HECW2: variants seen among roughly 807,000 people sequenced by gnomAD.
The protein encoded by HECW2 is E3 ubiquitin-protein ligase HECW2.
A neutral mutation model predicts 175.2 loss-of-function variants in HECW2; 61 were observed. The ratio of observed to expected loss-of-function variants is 0.35; its 90% CI spans 0.28 to 0.43. HECW2 has a LOEUF of 0.43. Among genes scored for constraint, HECW2 ranks in the 20% least tolerant of loss-of-function variants. HECW2 has a pLI of 1.00. For synonymous variants in HECW2, 671 were observed against 731.0 expected, an observed-to-expected ratio of 0.92 and a Z score of 1.32; for missense variants, 1,524 against 2,000.5, an observed-to-expected ratio of 0.76 and a Z score of 4.54.
At chr2:196,432,195 T>G (rs1695733867) in intron 2 of HECW2, among the ~76,000 whole-genome samples, 1 of 152,102 alleles carries the variant, frequency 6.6e-6, no homozygotes, top group Non-Finnish European at 1.5e-5. Context: ...TAAGAAGTAC[T>G]GCCATAAACA....
chr2:196,496,490 G>A (rs1448256845), intron 1 of HECW2, among the ~76,000 whole-genome samples: 1 of 152,006 alleles, frequency 6.6e-6, no homozygotes, highest in African/African-American at 2.4e-5. Context: ...CTATCAGGAT[G>A]ACTAATCTCA....
At position 196,343,139 on chromosome 2, in the gene HECW2, G is replaced by A. The variant is rs189381288; in HGVS notation, c.400+518C>T. On this transcript the variant is annotated intron_variant, in intron 3 of 28. Coordinates refer to ENST00000644978, the MANE Select transcript of HECW2 (RefSeq NM_001348768.2). ...TATATAGTTGTCCCTTGATATCCACGGGGGATTCGTTCCAAGACCCCCATG... is the reference window on the plus strand; with the variant it reads ...TATATAGTTGTCCCTTGATATCCACAGGGGATTCGTTCCAAGACCCCCATG... 1.8e-4 allele frequency among the ~76,000 whole-genome samples: 28 copies of A among 151,776 alleles called. 1 individual carries two copies. In the Middle Eastern group the frequency reaches 0.02, roughly 111 times the overall value.
At chr2:196,362,554 A>T (rs1693625568) in intron 2 of HECW2, among the ~76,000 whole-genome samples, 1 of 152,236 alleles carries the variant, frequency 6.6e-6, no homozygotes, top group Non-Finnish European at 1.5e-5. Context: ...TAACTAATCC[A>T]GAGAGAAATT....
intron 1 of HECW2, among the ~76,000 whole-genome samples, chr2:196,529,500 C>A (rs1688773378): frequency 6.6e-6 from 1 of 151,984 alleles, no homozygotes; most frequent in East Asian, 1.9e-4. Context: ...GGAATAATAC[C>A]CCTCATGCCA....
At chr2:196,537,199 A>G (rs1375445540) in intron 1 of HECW2, among the ~76,000 whole-genome samples, 1 of 152,124 alleles carries the variant, frequency 6.6e-6, no homozygotes, top group Non-Finnish European at 1.5e-5. Context: ...AAACACTACA[A>G]TAGAGTTTCC....
In HECW2 at chr2:196,281,342, A is replaced by G. The variant is rs546803507; in HGVS notation, c.3001-2680T>C. Among the ~76,000 whole-genome samples, 15 of 152,246 alleles carry G rather than the reference A, an allele frequency of 9.9e-5. 1 individual carries two copies. The highest frequency in any genetic ancestry group is 3.3e-4 in the Admixed American group (5 of 15,284). On this transcript the variant is annotated intron_variant, in intron 14 of 28. Coordinates refer to ENST00000644978, the MANE Select transcript of HECW2 (RefSeq NM_001348768.2). Reference sequence around the variant, plus strand: ...TAACAATTAACTAACCAAGTGCTAAAAAGCATGTTCTTGGGCCAGGCGCGA... The same window carrying G: ...TAACAATTAACTAACCAAGTGCTAAGAAGCATGTTCTTGGGCCAGGCGCGA...
intron 2 of HECW2, among the ~76,000 whole-genome samples, chr2:196,417,451 A>G (rs950464178): frequency 3.9e-5 from 6 of 152,200 alleles, no homozygotes; most frequent in African/African-American, 1.4e-4. Flanking sequence ...ATTTTTAATT[A>G]AAAAAATTTT....
At chr2:196,583,733 G>T (rs1478399281) in intron 1 of HECW2, among the ~76,000 whole-genome samples, 1 of 152,132 alleles carries the variant, frequency 6.6e-6, no homozygotes, top group East Asian at 1.9e-4. Context: ...CCTTCATAAT[G>T]GTCCATGAAG....
intron 1 of HECW2, among the ~76,000 whole-genome samples, chr2:196,532,868 T>C (rs1575645491): frequency 6.6e-6 from 1 of 152,306 alleles, no homozygotes; most frequent in Admixed American, 6.5e-5. Context: ...CACATTAATT[T>C]GGCATAACTT....
In HECW2 at chr2:196,201,464, G is replaced by A. The variant is rs2105753695; in HGVS notation, c.4608-76C>T. 14 of 908,746 alleles carry A rather than the reference G, an allele frequency of 1.5e-5. No homozygotes were observed. The Middle Eastern group carries it at 6.6e-4, about 43-fold the overall frequency. The allele number at this position is 908,746 out of a possible 1,614,324, so 56.3% of individuals were successfully genotyped here. A position where few individuals can be genotyped will look rare whatever the true frequency, so the allele number is the denominator to read the frequency against. On this transcript the variant is annotated intron_variant, in intron 28 of 28. Transcript: ENST00000644978. ...AAATGTGTGTGGTGTGTGTGTGTGTGTGTGTCTGTGTGTGTATGACTGTCT... is the reference window on the plus strand; with the variant it reads ...AAATGTGTGTGGTGTGTGTGTGTGTATGTGTCTGTGTGTGTATGACTGTCT...
intron 2 of HECW2, among the ~76,000 whole-genome samples, chr2:196,348,978 T>G (rs959248525): frequency 2.0e-5 from 3 of 152,234 alleles, no homozygotes; most frequent in African/African-American, 7.2e-5. Flanking sequence ...TCCCTTGATT[T>G]CTCCATCTCC....
At chr2:196,308,213 AC>A in intron 10 of HECW2, 128 bp from the exon 11 acceptor site, 1 of 613,546 alleles carries the variant, frequency 1.6e-6, no homozygotes, top group Non-Finnish European at 2.6e-6. Context: ...CATACATCTC[AC>A]TGCACTATCC....
rs1422155863 is a variant in HECW2 at position 196,201,343 on chromosome 2, G to C, written c.4653C>G (p.Ser1551=). The part of the protein sequence containing the change: ...FNRLDLPPYP[S]FSMLYEKLLT... ...ACAGTTTTTCATAAAGCATGGAAAA[G>C]GATGGGTAGGGAGGCAGATCCAGAC... Residue 1551 remains serine (S), a synonymous_variant, in exon 29 of 29, where the codon TCC becomes TCG. Transcript: ENST00000644978. 1.2e-6 allele frequency: 2 copies of C among 1,613,722 alleles called. No homozygotes were observed. Among genetic ancestry groups the C allele is most frequent in the Non-Finnish European group, 1.7e-6 (2 of 1,179,644 alleles).
At chr2:196,572,337 C>T (rs962617166) in intron 1 of HECW2, among the ~76,000 whole-genome samples, 3 of 152,084 alleles carry the variant, frequency 2.0e-5, no homozygotes, top group African/African-American at 7.2e-5. Context: ...TGTGTGCCAC[C>T]ATGCTTGGCT....
intron 14 of HECW2, among the ~76,000 whole-genome samples, chr2:196,287,770 C>T (rs1690447267): frequency 6.6e-6 from 1 of 152,160 alleles, no homozygotes; most frequent in Non-Finnish European, 1.5e-5. Context: ...CCACCTGGTG[C>T]TTTCCTGTCT....
chr2:196,497,831 C>T (rs541167869), intron 1 of HECW2, among the ~76,000 whole-genome samples: 24 of 152,220 alleles, frequency 1.6e-4, no homozygotes, highest in Non-Finnish European at 2.9e-4. Flanking sequence ...ATGCTGATCA[C>T]AGAGGGCAAG....
chr2:196,522,897 G>T (rs1189358371), intron 1 of HECW2, among the ~76,000 whole-genome samples: 1 of 152,202 alleles, frequency 6.6e-6, no homozygotes, highest in Non-Finnish European at 1.5e-5. Context: ...AGTATAGTTT[G>T]AAGTCAGGTA....
At chr2:196,436,604 A>G (rs529131099) in intron 1 of HECW2, among the ~76,000 whole-genome samples, 4 of 152,248 alleles carry the variant, frequency 2.6e-5, no homozygotes, top group Non-Finnish European at 5.9e-5. Context: ...TACATAATAC[A>G]TATTTGTTTT....
At chr2:196,368,042 G>T (rs749258371) in intron 2 of HECW2, among the ~76,000 whole-genome samples, 1 of 151,766 alleles carries the variant, frequency 6.6e-6, no homozygotes, top group Non-Finnish European at 1.5e-5. Context: ...ATAAACTTAG[G>T]TTGCTTTCAA....
Sources: allele counts gnomAD v4.1 joint callset (sites outside exome capture counted in the v4.1 genomes callset), GRCh38; gene constraint gnomAD v4.1.1; transcripts MANE v1.5; gene names NCBI Gene and HGNC (gene_info 2026-07-23, HGNC 2026-07-21).